Variants in PLEKHA1 observed in about 807,000 individuals in gnomAD.
PLEKHA1 encodes pleckstrin homology domain containing A1, also known as pleckstrin homology domain-containing family A member 1.
In PLEKHA1, 34 loss-of-function variants were observed where a neutral mutation model predicts 52.0. The ratio of observed to expected loss-of-function variants is 0.65; its 90% CI spans 0.50 to 0.87. The LOEUF (loss-of-function observed/expected upper bound fraction) is 0.87, where lower values mean the gene tolerates loss of function less well. PLEKHA1 is among the 40% of genes least tolerant of loss of function. PLEKHA1 has a pLI of 0.00. For missense variants in PLEKHA1, 497 were observed against 504.2 expected (o/e 0.99, Z 0.14); for synonymous variants, 163 against 170.7 (o/e 0.95, Z 0.35).
chr10:122,424,363 A>G (rs1565322618), intron 9 of PLEKHA1, 100 bp downstream of exon 9: 2 of 1,317,554 alleles, frequency 1.5e-6, no homozygotes, highest in Admixed American at 5.4e-5. Context: ...TTCCATATTA[A>G]TTGTAGTTAT....
chr10:122,401,629 T>G lies in PLEKHA1; in HGVS notation c.244+1241T>G, dbSNP rs572683444. On this transcript the variant is annotated intron_variant, in intron 4 of 11. Coordinates refer to ENST00000368990, the MANE Select transcript of PLEKHA1 (RefSeq NM_001001974.4). ...GGGGAACTTCCAAATGGAAATGTTCTGTTGACAGTAATCGAGGACTGGATG... is the reference window on the plus strand; with the variant it reads ...GGGGAACTTCCAAATGGAAATGTTCGGTTGACAGTAATCGAGGACTGGATG... 2.0e-5 allele frequency among the ~76,000 whole-genome samples: 3 copies of G among 152,174 alleles called. No individual in the cohort carries two copies. In the South Asian group the frequency reaches 6.2e-4, roughly 32 times the overall value.
chr10:122,395,092 G>GT (rs978926058), intron 2 of PLEKHA1, among the ~76,000 whole-genome samples: 83 of 152,290 alleles, frequency 5.5e-4, no homozygotes, highest in African/African-American at 1.8e-3. Flanking sequence ...AGATGGAAAA[G>GT]TTGAGTATTC....
intron 5 of PLEKHA1, among the ~76,000 whole-genome samples, chr10:122,406,996 A>G (rs1420580418): frequency 6.6e-6 from 1 of 152,226 alleles, no homozygotes; most frequent in Non-Finnish European, 1.5e-5. Context: ...TTTTCTTCCA[A>G]TATAGTGTAA....
intron 11 of PLEKHA1, chr10:122,428,432 C>A: frequency 1.4e-6 from 2 of 1,435,060 alleles, no homozygotes; most frequent in South Asian, 1.6e-5. Flanking sequence ...TTGAGTTAAC[C>A]AAACTGCCTT....
At chr10:122,416,114 C>A in intron 7 of PLEKHA1, 112 bp downstream of exon 7, 1 of 1,199,236 alleles carries the variant, frequency 8.3e-7, no homozygotes, top group Non-Finnish European at 1.1e-6. Flanking sequence ...AAGTGAGAGA[C>A]CGGCATGCTG....
downstream of PLEKHA1, chr10:122,436,934 T>C (rs1297646036): frequency 2.0e-5 from 3 of 151,208 alleles, no homozygotes; most frequent in Non-Finnish European, 2.9e-5. Context: ...ACGTTTTCTT[T>C]AGTGGGGAGG....
At chr10:122,427,686 A>C (rs943904454) in intron 11 of PLEKHA1, among the ~76,000 whole-genome samples, 1 of 152,196 alleles carries the variant, frequency 6.6e-6, no homozygotes, top group Non-Finnish European at 1.5e-5. Context: ...TTTTTTTAAA[A>C]GATTTTTCTT....
At chr10:122,412,743 A>G (rs980893739) in intron 5 of PLEKHA1, 177 bp from the exon 6 acceptor site, 2 of 637,612 alleles carry the variant, frequency 3.1e-6, no homozygotes, top group African/African-American at 3.7e-5. Flanking sequence ...ATATTATAAA[A>G]TATTATTCTA....
intron 1 of PLEKHA1, among the ~76,000 whole-genome samples, chr10:122,376,636 T>C (rs1411373443): frequency 6.6e-6 from 1 of 152,030 alleles, no homozygotes; most frequent in Non-Finnish European, 1.5e-5. Context: ...GGGGGGAAAG[T>C]AGCAGGTTTG....
Position 122,418,025 on chromosome 10 carries a change from A to G in PLEKHA1, c.681+57A>G, listed in dbSNP as rs1395694362. ...GAATGTTTGAAAAGTGTTGCAATGT[A>G]GTGATTATATATAATTTCTTGTACT... is the stretch of plus-strand genomic sequence containing the variant. On this transcript the variant is annotated intron_variant, in intron 8 of 11. Transcript: ENST00000368990. The G allele has an allele frequency of 4.5e-6, 6 of 1,340,170 alleles. No homozygotes were observed. The Middle Eastern group carries it at 5.5e-4, about 123-fold the overall frequency. 83.0% of individuals were successfully genotyped at this position (1,340,170 alleles called of 1,614,324 possible). A position where few individuals can be genotyped will look rare whatever the true frequency, so the allele number is the denominator to read the frequency against.
chr10:122,429,595 C>G, intron 11 of PLEKHA1, 29 bp from the exon 12 acceptor site: 1 of 1,603,262 alleles, frequency 6.2e-7, no homozygotes. Context: ...GAGTGACTGA[C>G]CGTGTCTGAC....
intron 11 of PLEKHA1, 89 bp from the exon 12 acceptor site, chr10:122,429,529 TGTTTTA>T: frequency 1.2e-6 from 1 of 865,978 alleles, no homozygotes; most frequent in Non-Finnish European, 1.8e-6. Flanking sequence ...TGTGTGTGTG[TGTTTTA>T]TTTGTTTTTC....
intron 11 of PLEKHA1, chr10:122,428,238 T>G (rs1406249097): frequency 6.7e-7 from 1 of 1,490,882 alleles, no homozygotes; most frequent in Non-Finnish European, 9.0e-7. Context: ...CTACCCAGTA[T>G]AGGTTAACTC....
intron 2 of PLEKHA1, among the ~76,000 whole-genome samples, chr10:122,394,030 A>G (rs1013968335): frequency 6.8e-5 from 10 of 145,994 alleles, no homozygotes; most frequent in East Asian, 4.0e-4. Context: ...GAGATTAGAT[A>G]TCATCTGTGA....
chr10:122,385,311 CTTTTTTTTTTTTT>C lies in PLEKHA1; in HGVS notation c.-20-7859_-20-7847del, dbSNP rs1196217497. On this transcript the variant is annotated intron_variant, in intron 1 of 11. Transcript: ENST00000368990. Reference sequence around the variant, plus strand: ...AAAGGCTGTATCCTTTTGTGTCTGGCTTTTTTTTTTTTTTTTTTTTTTTGAGGCGGAGTTTCGC... The same window carrying C: ...AAAGGCTGTATCCTTTTGTGTCTGGCTTTTTTTTTTGAGGCGGAGTTTCGC... 8.3e-5 allele frequency among the ~76,000 whole-genome samples: 8 copies of C among 96,482 alleles called. No individual in the cohort carries two copies. The East Asian group carries it at 2.1e-3, about 26-fold the overall frequency. 63.3% of individuals were successfully genotyped at this position (96,482 alleles called of 152,430 possible). A position where few individuals can be genotyped will look rare whatever the true frequency, so the allele number is the denominator to read the frequency against.
At chr10:122,423,048 A>G (rs1276388800) in intron 8 of PLEKHA1, 1 of 152,020 alleles carries the variant, frequency 6.6e-6, no homozygotes, top group Non-Finnish European at 1.5e-5. Flanking sequence ...TCAGTCTCTT[A>G]TTAAGTGTGA....
intron 8 of PLEKHA1, chr10:122,423,111 T>C (rs1216668996): frequency 1.3e-5 from 1 of 78,180 alleles, no homozygotes; most frequent in Admixed American, 1.2e-4. Context: ...AGATCTATGA[T>C]TTTTTTTTTT....
chr10:122,406,331 C>CTT (rs558257359), intron 4 of PLEKHA1, among the ~76,000 whole-genome samples: 1 of 152,142 alleles, frequency 6.6e-6, no homozygotes, highest in Non-Finnish European at 1.5e-5. Flanking sequence ...GCCTAAGTGT[C>CTT]TATCATTAGG....
At position 122,397,985 on chromosome 10, in the gene PLEKHA1, T is replaced by A; in HGVS notation, c.198+11T>A. The A allele has an allele frequency of 6.3e-7, 1 of 1,596,782 alleles. No homozygotes were observed. Among genetic ancestry groups the A allele is most frequent in the Non-Finnish European group, 8.6e-7 (1 of 1,165,202 alleles). ...ACCTACATTTCAAAGGTAGTCTTTA[T>A]ACATTGTCTTATACTCGTGTGAATT... is the stretch of plus-strand genomic sequence containing the variant. On this transcript the variant is annotated intron_variant, in intron 3 of 11. Coordinates refer to ENST00000368990, the MANE Select transcript of PLEKHA1 (RefSeq NM_001001974.4).
Sources: gnomAD v4.1 joint callset for allele counts (sites outside exome capture counted in the v4.1 genomes callset) on GRCh38, gnomAD v4.1.1 for gene constraint, MANE v1.5 for transcripts, NCBI Gene and HGNC (gene_info 2026-07-23, HGNC 2026-07-21) for gene names.